Variants in MUC5AC observed in about 807,000 individuals in gnomAD.
MUC5AC encodes the protein mucin-5AC.
A neutral mutation model predicts 169.7 loss-of-function variants in MUC5AC; 158 were observed. That is an observed-to-expected ratio of 0.93 (90% CI 0.82 to 1.06). The LOEUF (loss-of-function observed/expected upper bound fraction) is 1.06. Ranked by LOEUF, MUC5AC falls within the 50% of genes least tolerant of loss-of-function variation. The pLI, the probability that MUC5AC is intolerant of heterozygous loss-of-function variation, is 0.00. For missense variants in MUC5AC, 4,359 were observed against 3,089.9 expected (o/e 1.41, Z -9.74); for synonymous variants, 1,975 against 1,237.0 (o/e 1.60, Z -12.52).
In MUC5AC at chr11:1,200,574, G is replaced by A. The variant is rs559560201; in HGVS notation, c.16837G>A (p.Gly5613Ser). 89 of 764,588 alleles carry A rather than the reference G, an allele frequency of 1.2e-4. No individual in the cohort carries two copies. The highest frequency in any genetic ancestry group is 8.5e-4 in the Admixed American group (50 of 58,978). 47.4% of individuals were successfully genotyped at this position (764,588 alleles called of 1,614,324 possible). The change falls in exon 49 of 49, where the codon GGC becomes AGC. Residue 5613 changes from glycine (G) to serine (S), a missense_variant. Physicochemically the swap from Gly to Ser is moderately conservative, Grantham distance 56. Transcript: ENST00000621226. The part of the protein sequence containing the change: ...AFSYTEVEEC[G>S]CMGRRCPAPG... Reference sequence around the variant, plus strand: ...CAGCTACACCGAGGTGGAAGAGTGCGGCTGCATGGGCCGGCGGTGCCCTGC... The same window carrying A: ...CAGCTACACCGAGGTGGAAGAGTGCAGCTGCATGGGCCGGCGGTGCCCTGC...
Position 1,187,719 on chromosome 11 carries a change from C to G in MUC5AC, c.9574C>G (p.Pro3192Ala). The G allele has an allele frequency of 1.3e-6, 1 of 765,118 alleles. No homozygotes were observed. The highest frequency in any genetic ancestry group is 2.4e-6 in the Non-Finnish European group (1 of 417,830). 47.4% of individuals were successfully genotyped at this position (765,118 alleles called of 1,614,324 possible). A position where few individuals can be genotyped will look rare whatever the true frequency, so the allele number is the denominator to read the frequency against. Residue 3192 changes from proline (P) to alanine (A), a missense_variant, in exon 31 of 49, where the codon CCC becomes GCC. Transcript: ENST00000621226. ...TCCTGGAACCACTCCCAGCCCCGTTCCCACCACCAGCACAGCCTCTGTTTC... is the reference window on the plus strand; with the variant it reads ...TCCTGGAACCACTCCCAGCCCCGTTGCCACCACCAGCACAGCCTCTGTTTC... ...PGPGTTPSPVPTTSTASVSKT... is the reference protein window; with the variant it reads ...PGPGTTPSPVATTSTASVSKT...
rs1860738905 is a variant in MUC5AC at position 1,178,500 on chromosome 11, C to G, written c.3144C>G (p.Ala1048=). The G allele has an allele frequency of 1.7e-6, 2 of 1,144,506 alleles. No individual in the cohort carries two copies. Among genetic ancestry groups the G allele is most frequent in the Non-Finnish European group, 2.3e-6 (2 of 862,384 alleles). The allele number at this position is 1,144,506 out of a possible 1,614,324, so 70.9% of individuals were successfully genotyped here. Residue 1048 remains alanine, a synonymous_variant, in exon 25 of 49, where the codon GCC becomes GCG. Coordinates refer to ENST00000621226, the MANE Select transcript of MUC5AC (RefSeq NM_001304359.2). The stretch of plus-strand genomic sequence containing the variant: ...ACGACATCGCCGTTAATGACTTTGC[C>G]ACGCGGAGCCGGTCTGTGGTGGGGG... ...NFDDIAVNDF[A]TRSRSVVGDV...
chr11:1,200,371 C>T lies in MUC5AC; in HGVS notation c.16701-67C>T, dbSNP rs115843805. 8.1e-3 allele frequency: 5,067 copies of T among 624,800 alleles called. 91 individuals carry two copies. The highest frequency in any genetic ancestry group is 0.049 in the African/African-American group (2,708 of 55,358). 38.7% of individuals were successfully genotyped at this position (624,800 alleles called of 1,614,324 possible). On this transcript the variant is annotated intron_variant, in intron 48 of 48. Coordinates refer to ENST00000621226, the MANE Select transcript of MUC5AC (RefSeq NM_001304359.2). ...CGATGAGGCCGCCCAGAGCTCGGCA[C>T]GGCGCCGGCTTACGGCAGGAGGCTG...
At chr11:1,163,806 G>A in intron 6 of MUC5AC, 76 bp from the exon 7 acceptor site, 1 of 1,206,006 alleles carries the variant, frequency 8.3e-7, no homozygotes, top group Non-Finnish European at 1.2e-6. Context: ...CCCGGCCCTG[G>A]GGGCTCTGCT....
chr11:1,192,308 C>A lies in MUC5AC; in HGVS notation c.14163C>A (p.Arg4721=), dbSNP rs73395699. 1 of 764,950 alleles carries A rather than the reference C, an allele frequency of 1.3e-6. No individual in the cohort carries two copies. The highest frequency in any genetic ancestry group is 1.7e-5 in the Admixed American group (1 of 59,006). The allele number at this position is 764,950 out of a possible 1,614,324, so 47.4% of individuals were successfully genotyped here. The part of the protein sequence containing the change: ...PFKMCLNYEV[R]VLCCETPRGC... Reference sequence around the variant, plus strand: ...AGATGTGCCTCAACTACGAGGTGCGCGTGCTCTGCTGCGAGACCCCCAGAG... The same window carrying A: ...AGATGTGCCTCAACTACGAGGTGCGAGTGCTCTGCTGCGAGACCCCCAGAG... The change falls in exon 31 of 49, where the codon CGC becomes CGA. Residue 4721 remains arginine, a synonymous_variant. Transcript: ENST00000621226.
chr11:1,200,588 G>A lies in MUC5AC; in HGVS notation c.16851G>A (p.Arg5617=), dbSNP rs2133781546. 1 of 764,498 alleles carries A rather than the reference G, an allele frequency of 1.3e-6. No homozygotes were observed. The highest frequency in any genetic ancestry group is 2.4e-6 in the Non-Finnish European group (1 of 417,542). 47.4% of individuals were successfully genotyped at this position (764,498 alleles called of 1,614,324 possible). A position where few individuals can be genotyped will look rare whatever the true frequency, so the allele number is the denominator to read the frequency against. ...TGGAAGAGTGCGGCTGCATGGGCCG[G>A]CGGTGCCCTGCGCCGGGCGACACCC... ...TEVEECGCMG[R]RCPAPGDTQH... Residue 5617 remains arginine, a synonymous_variant, in exon 49 of 49, where the codon CGG becomes CGA. Transcript: ENST00000621226.
intron 11 of MUC5AC, among the ~76,000 whole-genome samples, chr11:1,167,309 T>C (rs58227916): frequency 9.0e-6 from 1 of 110,770 alleles, no homozygotes; most frequent in Admixed American, 9.4e-5. Flanking sequence ...GACCTTGCAC[T>C]CAACACATAG....
rs746241529 is a variant in MUC5AC at position 1,164,166 on chromosome 11, G to A, written c.850G>A (p.Val284Ile). 13 of 1,612,456 alleles carry A rather than the reference G, an allele frequency of 8.1e-6. No individual in the cohort carries two copies. In the East Asian group the frequency reaches 2.5e-4, roughly 30 times the overall value. The change falls in exon 8 of 49, where the codon GTC becomes ATC. Residue 284 changes from valine to isoleucine, a missense_variant. Coordinates refer to ENST00000621226, the MANE Select transcript of MUC5AC (RefSeq NM_001304359.2). ...LFSGCVALVD[V>I]GSYLEACRQD... is the part of the protein sequence containing the mutation. Reference sequence around the variant, plus strand: ...CTCTGGCTGCGTGGCCCTGGTGGACGTCGGCAGCTACCTGGAGGCTTGCAG... The same window carrying A: ...CTCTGGCTGCGTGGCCCTGGTGGACATCGGCAGCTACCTGGAGGCTTGCAG...
At position 1,188,127 on chromosome 11, in the gene MUC5AC, G is replaced by A. The variant is rs1554928502; in HGVS notation, c.9982G>A (p.Val3328Met). ...LCCETPKGCP[V>M]TSTPVTAPST... ...CTGCGAGACCCCTAAAGGTTGCCCC[G>A]TGACCTCCACACCTGTGACAGCTCC... The change falls in exon 31 of 49, where the codon GTG becomes ATG. Residue 3328 changes from valine to methionine, a missense_variant. Coordinates refer to ENST00000621226, the MANE Select transcript of MUC5AC (RefSeq NM_001304359.2). 21 of 728,916 alleles carry A rather than the reference G, an allele frequency of 2.9e-5. No homozygotes were observed. The highest frequency in any genetic ancestry group is 8.6e-5 in the African/African-American group (5 of 58,380). The allele number at this position is 728,916 out of a possible 1,614,324, so 45.2% of individuals were successfully genotyped here. A position where few individuals can be genotyped will look rare whatever the true frequency, so the allele number is the denominator to read the frequency against.
chr11:1,159,089 G>C (rs1239738477), intron 1 of MUC5AC, among the ~76,000 whole-genome samples: 1 of 152,086 alleles, frequency 6.6e-6, no homozygotes, highest in African/African-American at 2.4e-5. Context: ...CTAGATAAGT[G>C]AGGCTCAGGC....
rs183393237 is a variant in MUC5AC, at chr11:1,200,209, G to A, written c.16701-229G>A. Among the ~76,000 whole-genome samples, 306 of 152,352 alleles carry A rather than the reference G, an allele frequency of 2.0e-3. 1 individual carries two copies. Among genetic ancestry groups the A allele is most frequent in the African/African-American group, 7.1e-3 (297 of 41,582 alleles). On this transcript the variant is annotated intron_variant, in intron 48 of 48. Coordinates refer to ENST00000621226, the MANE Select transcript of MUC5AC (RefSeq NM_001304359.2). ...TACTGAGCTCCGCCAGGAACTTGCC[G>A]CAGCCGCCCCGAGTCTCCCTCCCTC...
Position 1,196,004 on chromosome 11 carries a change from C to A in MUC5AC, c.15587C>A (p.Ala5196Glu). The change falls in exon 37 of 49, where the codon GCG becomes GAG. Residue 5196 changes from alanine to glutamate, a missense_variant. Transcript: ENST00000621226. The stretch of plus-strand genomic sequence containing the variant: ...CTGGAGCTGTACGCGGCACTCTGTG[C>A]GTCCCACGACATCTGCATCGATTGG... Reference protein sequence around the residue: ...SSLELYAALCASHDICIDWRG... With the variant: ...SSLELYAALCESHDICIDWRG... The A allele has an allele frequency of 1.3e-6, 1 of 764,918 alleles. No individual in the cohort carries two copies. The highest frequency in any genetic ancestry group is 2.4e-6 in the Non-Finnish European group (1 of 417,788). 47.4% of individuals were successfully genotyped at this position (764,918 alleles called of 1,614,324 possible).
chr11:1,168,850 A>G lies in MUC5AC; in HGVS notation c.1706-12A>G. On this transcript the variant is annotated splice_polypyrimidine_tract_variant and intron_variant, in intron 14 of 48. Coordinates refer to ENST00000621226, the MANE Select transcript of MUC5AC (RefSeq NM_001304359.2). ...GGGCGCATGGTCCTCAACCTGCCTA[A>G]CCCGCCCCCAGGTCTCTGTGGGAAC... is the stretch of plus-strand genomic sequence containing the variant. The G allele has an allele frequency of 6.3e-7, 1 of 1,580,342 alleles. No homozygotes were observed. The highest frequency in any genetic ancestry group is 1.1e-5 in the South Asian group (1 of 87,106).
intron 48 of MUC5AC, 91 bp from the exon 49 acceptor site, chr11:1,200,347 G>C: frequency 1.6e-6 from 1 of 611,066 alleles, no homozygotes; most frequent in Non-Finnish European, 2.9e-6. Flanking sequence ...CAGGGAACAC[G>C]ATGAGGCCGC....
rs1456526652 is a variant in MUC5AC at position 1,187,661 on chromosome 11, C to G, written c.9516C>G (p.Thr3172=). ...TSTIFAPRTS[T]TSASTTSTTP... ...CAATCTTTGCTCCTAGAACCAGCAC[C>G]ACTTCTGCCTCTACAACCAGCACAA... The change falls in exon 31 of 49, where the codon ACC becomes ACG. Residue 3172 remains threonine, a synonymous_variant. Transcript: ENST00000621226. 1.2e-5 allele frequency: 9 copies of G among 761,876 alleles called. No individual in the cohort carries two copies. In the East Asian group the frequency reaches 2.0e-4, roughly 17 times the overall value. The allele number at this position is 761,876 out of a possible 1,614,324, so 47.2% of individuals were successfully genotyped here. A position where few individuals can be genotyped will look rare whatever the true frequency, so the allele number is the denominator to read the frequency against.
rs1256778750 is a variant in MUC5AC at position 1,200,428 on chromosome 11, C to T, written c.16701-10C>T. ...CGCAGCAGCTGGTGCTGAGCAGCCC[C>T]TGCCCACAGGTACTCGCTCGAGGGC... On this transcript the variant is annotated splice_polypyrimidine_tract_variant and intron_variant, in intron 48 of 48. Transcript: ENST00000621226. The T allele has an allele frequency of 1.5e-6, 1 of 685,970 alleles. No individual in the cohort carries two copies. The highest frequency in any genetic ancestry group is 2.7e-6 in the Non-Finnish European group (1 of 373,574). The allele number at this position is 685,970 out of a possible 1,614,324, so 42.5% of individuals were successfully genotyped here. A position where few individuals can be genotyped will look rare whatever the true frequency, so the allele number is the denominator to read the frequency against.
At chr11:1,165,814 C>G (rs1431237674) in intron 11 of MUC5AC, 54 bp downstream of exon 11, 1 of 1,602,260 alleles carries the variant, frequency 6.2e-7, no homozygotes, top group African/African-American at 1.3e-5. Context: ...CATGGCCAGC[C>G]TCCCACAGGC....
chr11:1,198,622 G>A (rs1283010010), intron 43 of MUC5AC, among the ~76,000 whole-genome samples: 1 of 152,194 alleles, frequency 6.6e-6, no homozygotes, highest in Non-Finnish European at 1.5e-5. Context: ...CCTGCAGAGT[G>A]TGTGGCCTTG....
intron 15 of MUC5AC, among the ~76,000 whole-genome samples, chr11:1,171,942 T>TTCACTCACTCAC (rs1161859817): frequency 8.2e-5 from 7 of 85,756 alleles, no homozygotes; most frequent in South Asian, 6.1e-4. Context: ...CATCCACTCA[T>TTCACTCACTCAC]TCACTCACTC....
Sources: gnomAD v4.1 joint callset for allele counts (sites outside exome capture counted in the v4.1 genomes callset) on GRCh38, gnomAD v4.1.1 for gene constraint, MANE v1.5 for transcripts, NCBI Gene and HGNC (gene_info 2026-07-23, HGNC 2026-07-21) for gene names.